SLIT3: variants seen among roughly 807,000 people sequenced by gnomAD.
The protein encoded by SLIT3 is slit guidance ligand 3.
A neutral mutation model predicts 184.0 loss-of-function variants in SLIT3; 68 were observed. That is an observed-to-expected ratio of 0.37 (90% CI 0.30 to 0.45). The LOEUF is 0.45. SLIT3 is among the 20% of genes least tolerant of loss of function. The pLI, the probability that SLIT3 is intolerant of heterozygous loss-of-function variation, is 1.00. For missense variants in SLIT3, 1,707 were observed against 2,026.0 expected, an observed-to-expected ratio of 0.84 and a Z score of 3.02; for synonymous variants, 831 against 828.6, an observed-to-expected ratio of 1.00 and a Z score of -0.05.
intron 4 of SLIT3, among the ~76,000 whole-genome samples, chr5:168,969,201 AC>A (rs1754461454): frequency 6.6e-6 from 1 of 152,186 alleles, no homozygotes; most frequent in African/African-American, 2.4e-5. Context: ...GGTTTATCTT[AC>A]CCCACTGAGC....
At chr5:169,184,293 A>G (rs116238503) in intron 4 of SLIT3, among the ~76,000 whole-genome samples, 1,570 of 152,340 alleles carry the variant, frequency 0.01, 18 homozygotes, top group Non-Finnish European at 0.016. Context: ...AAAGCACATC[A>G]TAAGGTAGGG....
chr5:169,038,351 C>T lies in SLIT3; in HGVS notation c.414-155015G>A, dbSNP rs533570934. On this transcript the variant is annotated intron_variant, in intron 4 of 35. Transcript: ENST00000519560. ...ATGTGTATGAATTATAACATATATA[C>T]ACATATTACAATGTACACATATGGA... Among the ~76,000 whole-genome samples, 126 of 152,258 alleles carry T rather than the reference C, an allele frequency of 8.3e-4. 1 individual carries two copies. Among genetic ancestry groups the T allele is most frequent in the Admixed American group, 8.0e-3 (122 of 15,292 alleles).
Position 168,817,313 on chromosome 5 carries a change from C to A in SLIT3, c.780G>T (p.Glu260Asp). The A allele has an allele frequency of 6.2e-7, 1 of 1,614,176 alleles. No individual in the cohort carries two copies. The highest frequency in any genetic ancestry group is 8.5e-7 in the Non-Finnish European group (1 of 1,180,032). Residue 260 changes from glutamate (E) to aspartate (D), a missense_variant, in exon 8 of 36, where the codon GAG becomes GAT. This residue lies in a region of SLIT3 where 1,307 missense variants were observed against 1,511.6 expected (regional missense o/e 0.86). Transcript: ENST00000519560. ...GFNVADVQKK[E>D]YVCPAPHSEP... Reference sequence around the variant, plus strand: ...AAGCATCCTCACCTGGGCACACGTACTCCTTCTTCTGCACATCCGCCACGT... The same window carrying A: ...AAGCATCCTCACCTGGGCACACGTAATCCTTCTTCTGCACATCCGCCACGT...
intron 3 of SLIT3, among the ~76,000 whole-genome samples, chr5:169,244,152 G>A (rs1765500617): frequency 6.6e-6 from 1 of 152,198 alleles, no homozygotes; most frequent in Admixed American, 6.5e-5. Context: ...CACTGGCAAT[G>A]CATTCTCTCG....
At chr5:168,974,033 C>T (rs1448884534) in intron 4 of SLIT3, among the ~76,000 whole-genome samples, 1 of 152,182 alleles carries the variant, frequency 6.6e-6, no homozygotes, top group East Asian at 1.9e-4. Flanking sequence ...GTTTGGAACA[C>T]TAAATTACAC....
chr5:169,248,253 A>G (rs1209014358), intron 2 of SLIT3, among the ~76,000 whole-genome samples: 1 of 152,072 alleles, frequency 6.6e-6, no homozygotes, highest in African/African-American at 2.4e-5. Flanking sequence ...ACACCGCTAA[A>G]TAAGTCTTTA....
intron 12 of SLIT3, among the ~76,000 whole-genome samples, chr5:168,782,478 G>A (rs1172193096): frequency 6.6e-6 from 1 of 152,176 alleles, no homozygotes; most frequent in Non-Finnish European, 1.5e-5. Context: ...GGGATCTCAG[G>A]GCACGAGGGC....
At chr5:168,813,812 T>C (rs1757242498) in intron 8 of SLIT3, among the ~76,000 whole-genome samples, 1 of 152,222 alleles carries the variant, frequency 6.6e-6, no homozygotes, top group Non-Finnish European at 1.5e-5. Flanking sequence ...CCTCACAGGC[T>C]GAGCGAGATA....
chr5:168,726,895 C>T (rs988483966), intron 20 of SLIT3, among the ~76,000 whole-genome samples: 1 of 151,866 alleles, frequency 6.6e-6, no homozygotes, highest in African/African-American at 2.4e-5. Flanking sequence ...CCTGTAATCC[C>T]AGCTACTCAG....
chr5:168,871,393 G>A (rs1314686009), intron 5 of SLIT3, among the ~76,000 whole-genome samples: 1 of 152,098 alleles, frequency 6.6e-6, no homozygotes, highest in Non-Finnish European at 1.5e-5. Context: ...CCCTAGGCAG[G>A]CAGCGGTTAA....
chr5:168,776,369 C>T (rs147032898), intron 12 of SLIT3, among the ~76,000 whole-genome samples: 67 of 152,322 alleles, frequency 4.4e-4, no homozygotes, highest in African/African-American at 1.6e-3. Context: ...TGTCCTCCTG[C>T]CTGGCAGTGG....
intron 4 of SLIT3, among the ~76,000 whole-genome samples, chr5:169,148,520 C>T (rs147304555): frequency 6.6e-4 from 100 of 152,320 alleles, no homozygotes; most frequent in Middle Eastern, 3.4e-3. Context: ...AAATCATGCT[C>T]TTAATAAGTC....
chr5:168,830,679 A>C (rs990018645), intron 6 of SLIT3, among the ~76,000 whole-genome samples: 4 of 152,170 alleles, frequency 2.6e-5, no homozygotes, highest in Non-Finnish European at 5.9e-5. Context: ...CACTCCTGAG[A>C]TATTATTACT....
chr5:168,819,227 G>T (rs1326336181), intron 7 of SLIT3, among the ~76,000 whole-genome samples: 1 of 152,244 alleles, frequency 6.6e-6, no homozygotes, highest in East Asian at 1.9e-4. Flanking sequence ...AAGCTGGTGG[G>T]AAGGACCTCA....
chr5:168,901,365 A>C (rs1047383095), intron 4 of SLIT3, among the ~76,000 whole-genome samples: 1 of 144,686 alleles, frequency 6.9e-6, no homozygotes, highest in African/African-American at 2.8e-5. Flanking sequence ...CTCCGTCTCA[A>C]AACAAAACAA....
chr5:168,908,299 A>T (rs568638321), intron 4 of SLIT3, among the ~76,000 whole-genome samples: 1 of 152,218 alleles, frequency 6.6e-6, no homozygotes, highest in East Asian at 1.9e-4. Context: ...GTGGTAGACG[A>T]GTCACCTGGG....
At chr5:168,974,725 C>T (rs1754690453) in intron 4 of SLIT3, among the ~76,000 whole-genome samples, 1 of 152,208 alleles carries the variant, frequency 6.6e-6, no homozygotes, top group Non-Finnish European at 1.5e-5. Context: ...GGGGCTGTCA[C>T]CCACCAACTC....
chr5:169,123,036 C>G (rs1347864728), intron 4 of SLIT3, among the ~76,000 whole-genome samples: 1 of 151,870 alleles, frequency 6.6e-6, no homozygotes, highest in Non-Finnish European at 1.5e-5. Flanking sequence ...GGGAAAAATA[C>G]ATATGAGGGA....
At chr5:168,830,250 G>A (rs1269399958) in intron 6 of SLIT3, among the ~76,000 whole-genome samples, 2 of 152,094 alleles carry the variant, frequency 1.3e-5, no homozygotes, top group Non-Finnish European at 2.9e-5. Flanking sequence ...CTCCCGCTCA[G>A]CCCAGGGCCT....
Sources: gnomAD v4.1 joint callset for allele counts (sites outside exome capture counted in the v4.1 genomes callset) on GRCh38, gnomAD v4.1.1 for gene constraint, gnomAD v4.1.1 regional missense constraint, MANE v1.5 for transcripts, NCBI Gene and HGNC (gene_info 2026-07-23, HGNC 2026-07-21) for gene names.